Variants in NTRK2 observed in about 807,000 individuals in gnomAD.
The protein encoded by NTRK2 is neurotrophic receptor tyrosine kinase 2, also known as BDNF/NT-3 growth factors receptor.
NTRK2 carries 13 observed loss-of-function variants against 94.5 expected under a neutral mutation model. That is an observed-to-expected ratio of 0.14 (90% confidence interval 0.09 to 0.22). The LOEUF (loss-of-function observed/expected upper bound fraction) is 0.22. NTRK2 is among the 10% of genes least tolerant of loss of function. The pLI is 1.00. For synonymous variants in NTRK2, 372 were observed against 407.4 expected (o/e 0.91, Z 1.05); for missense variants, 639 against 1,071.2 (o/e 0.60, Z 5.63).
At chr9:84,801,688 T>G (rs981844176) in intron 12 of NTRK2, among the ~76,000 whole-genome samples, 1 of 152,198 alleles carries the variant, frequency 6.6e-6, no homozygotes, top group Non-Finnish European at 1.5e-5. Context: ...GTAGGCTAGG[T>G]GTATTAAATA....
intron 12 of NTRK2, among the ~76,000 whole-genome samples, chr9:84,858,442 C>T (rs1406407393): frequency 6.6e-6 from 1 of 152,038 alleles, no homozygotes; most frequent in African/African-American, 2.4e-5. Flanking sequence ...CCCCCAACCC[C>T]CCTTCCAGCT....
intron 12 of NTRK2, among the ~76,000 whole-genome samples, chr9:84,782,690 A>G (rs1474607875): frequency 6.6e-6 from 1 of 152,176 alleles, no homozygotes; most frequent in African/African-American, 2.4e-5. Context: ...TACTTGTCAT[A>G]TCACCAAGTG....
At chr9:84,948,003 C>T (rs74649128) in intron 15 of NTRK2, among the ~76,000 whole-genome samples, 2,628 of 152,310 alleles carry the variant, frequency 0.017, 80 homozygotes, top group African/African-American at 0.058. Context: ...TGCAGTGCTA[C>T]ATAAAGACAG....
intron 12 of NTRK2, among the ~76,000 whole-genome samples, chr9:84,757,888 A>G (rs2065218408): frequency 6.6e-6 from 1 of 152,166 alleles, no homozygotes; most frequent in Non-Finnish European, 1.5e-5. Context: ...GGAAAGATAT[A>G]TATGTTTAAA....
chr9:84,758,007 C>G (rs748100851), intron 12 of NTRK2, among the ~76,000 whole-genome samples: 2 of 151,978 alleles, frequency 1.3e-5, no homozygotes, highest in African/African-American at 4.8e-5. Flanking sequence ...TATTATCAAT[C>G]TTTTGGCTAT....
At chr9:84,911,928 T>TC (rs561947786) in intron 14 of NTRK2, among the ~76,000 whole-genome samples, 92 of 152,250 alleles carry the variant, frequency 6.0e-4, no homozygotes, top group African/African-American at 1.8e-3. Flanking sequence ...TTTATCTATG[T>TC]CCCCCAAATT....
At chr9:84,789,435 G>C (rs1286952766) in intron 12 of NTRK2, among the ~76,000 whole-genome samples, 4 of 152,184 alleles carry the variant, frequency 2.6e-5, no homozygotes, top group Non-Finnish European at 5.9e-5. Context: ...CTGCTGACCT[G>C]GCCCTCAGAG....
Position 85,022,166 on chromosome 9 carries a change from T to A in NTRK2, c.*729T>A, listed in dbSNP as rs1417987920. 4.3e-6 allele frequency: 1 copy of A among 233,114 alleles called. No homozygotes were observed. The highest frequency in any genetic ancestry group is 8.5e-6 in the Non-Finnish European group (1 of 118,078). 14.4% of individuals were successfully genotyped at this position (233,114 alleles called of 1,614,324 possible). Reference sequence around the variant, plus strand: ...GGATCAGCTGGTGTCAGTCCCTACTTAGGAAATACTCAGCAACTGTTAGCT... The same window carrying A: ...GGATCAGCTGGTGTCAGTCCCTACTAAGGAAATACTCAGCAACTGTTAGCT... On this transcript the variant is annotated 3_prime_UTR_variant, in exon 19 of 19. Coordinates refer to ENST00000277120, the MANE Select transcript of NTRK2 (RefSeq NM_006180.6).
At chr9:84,693,786 A>G (rs915381814) in intron 2 of NTRK2, among the ~76,000 whole-genome samples, 7 of 152,212 alleles carry the variant, frequency 4.6e-5, no homozygotes, top group Admixed American at 3.3e-4. Flanking sequence ...TATAGCCAGT[A>G]AGAGGTGAAG....
intron 12 of NTRK2, among the ~76,000 whole-genome samples, chr9:84,778,560 T>C (rs1395798074): frequency 6.6e-6 from 1 of 152,228 alleles, no homozygotes; most frequent in African/African-American, 2.4e-5. Context: ...TCTGCACTAA[T>C]GAGGCTTTGT....
chr9:84,932,256 T>TAC (rs967343299), intron 14 of NTRK2, among the ~76,000 whole-genome samples: 1 of 152,180 alleles, frequency 6.6e-6, no homozygotes, highest in Admixed American at 6.5e-5. Context: ...TAATTCATAC[T>TAC]ACACACACAA....
At chr9:84,795,958 CT>C (rs970690802) in intron 12 of NTRK2, among the ~76,000 whole-genome samples, 431 of 140,122 alleles carry the variant, frequency 3.1e-3, no homozygotes, top group Middle Eastern at 3.8e-3. Flanking sequence ...GATTACTTTT[CT>C]TTTTTTTTTT....
At chr9:84,939,051 C>CAAAAAAAAAAAAAAAAAAAA (rs138558531) in intron 15 of NTRK2, among the ~76,000 whole-genome samples, 11 of 68,368 alleles carry the variant, frequency 1.6e-4, no homozygotes, top group African/African-American at 2.2e-4. Context: ...GACCCCAACT[C>CAAAAAAAAAAAAAAAAAAAA]AAAAAAAAAA....
chr9:84,702,418 A>G lies in NTRK2; in HGVS notation c.358A>G (p.Ile120Val), dbSNP rs200467220. 37 of 1,612,722 alleles carry G rather than the reference A, an allele frequency of 2.3e-5. No homozygotes were observed. Among genetic ancestry groups the G allele is most frequent in the Middle Eastern group, 3.3e-4 (2 of 6,084 alleles). Residue 120 changes from isoleucine (I) to valine (V), a missense_variant and splice_region_variant, in exon 4 of 19, where the codon ATC (isoleucine) becomes GTC (valine). Coordinates refer to ENST00000277120, the MANE Select transcript of NTRK2 (RefSeq NM_006180.6). ...AFLKNSNLQH[I>V]NFTRNKLTSL... Reference sequence around the variant, plus strand: ...TCTGAAAAACAGCAACCTGCAGCACATGTAAGTAGAGATTGATTCTTTTGC... The same window carrying G: ...TCTGAAAAACAGCAACCTGCAGCACGTGTAAGTAGAGATTGATTCTTTTGC...
At chr9:84,679,161 A>G (rs940632656) in intron 2 of NTRK2, among the ~76,000 whole-genome samples, 3 of 152,150 alleles carry the variant, frequency 2.0e-5, no homozygotes, top group Non-Finnish European at 1.5e-5. Context: ...TGAGCAATAC[A>G]TTTCTGTTGT....
intron 12 of NTRK2, among the ~76,000 whole-genome samples, chr9:84,767,453 C>T (rs1378764307): frequency 6.6e-6 from 1 of 152,180 alleles, no homozygotes; most frequent in African/African-American, 2.4e-5. Context: ...CTTGATTTTT[C>T]TGTTTATTGT....
intron 2 of NTRK2, among the ~76,000 whole-genome samples, chr9:84,685,736 T>C (rs2059671888): frequency 6.6e-6 from 1 of 152,192 alleles, no homozygotes. Flanking sequence ...TAACTCCTGC[T>C]TATCTTTTAG....
chr9:85,004,047 G>GAAAGAAAAGAAAGAAAGAAA (rs1564542231), intron 17 of NTRK2, among the ~76,000 whole-genome samples: 3 of 39,820 alleles, frequency 7.5e-5, no homozygotes, highest in African/African-American at 3.7e-4. Context: ...GAAAGAAAGG[G>GAAAGAAAAGAAAGAAAGAAA]AGAAAGAGAA....
At chr9:84,869,792 A>C (rs1004516153) in intron 14 of NTRK2, among the ~76,000 whole-genome samples, 1 of 152,054 alleles carries the variant, frequency 6.6e-6, no homozygotes, top group Non-Finnish European at 1.5e-5. Flanking sequence ...TTTCTAGCAG[A>C]TATGTAACAA....
Sources: allele counts gnomAD v4.1 joint callset (sites outside exome capture counted in the v4.1 genomes callset), GRCh38; gene constraint gnomAD v4.1.1; transcripts MANE v1.5; gene names NCBI Gene and HGNC (gene_info 2026-07-23, HGNC 2026-07-21).